Variants in AUTS2 observed in about 807,000 individuals in gnomAD.
The protein encoded by AUTS2 is activator of transcription and developmental regulator AUTS2, also known as autism susceptibility gene 2 protein.
In AUTS2, 17 loss-of-function variants were observed where a neutral mutation model predicts 112.4. That is an observed-to-expected ratio of 0.15 (90% CI 0.10 to 0.23). AUTS2 has a LOEUF of 0.23. Ranked by LOEUF, AUTS2 falls within the 10% of genes least tolerant of loss-of-function variation. AUTS2 has a pLI of 1.00. For synonymous variants in AUTS2, 751 were observed against 702.7 expected, an observed-to-expected ratio of 1.07 and a Z score of -1.09; for missense variants, 1,510 against 1,701.6, an observed-to-expected ratio of 0.89 and a Z score of 1.98.
intron 4 of AUTS2, among the ~76,000 whole-genome samples, chr7:70,304,126 C>G (rs1263373520): frequency 6.6e-6 from 1 of 152,220 alleles, no homozygotes; most frequent in Non-Finnish European, 1.5e-5. Context: ...CAAGGGAATT[C>G]CTGTGATTCA....
At chr7:70,256,305 C>T (rs747452143) in intron 4 of AUTS2, among the ~76,000 whole-genome samples, 1 of 152,160 alleles carries the variant, frequency 6.6e-6, no homozygotes, top group Non-Finnish European at 1.5e-5. Flanking sequence ...ACTAGGGCTT[C>T]TTCTTCTTCA....
chr7:70,512,984 C>A (rs1366662906), intron 5 of AUTS2, among the ~76,000 whole-genome samples: 3 of 152,166 alleles, frequency 2.0e-5, no homozygotes, highest in African/African-American at 7.2e-5. Flanking sequence ...CGCAATTTAG[C>A]TTTTGCTGGT....
chr7:70,032,156 C>T (rs1166629601), intron 2 of AUTS2, among the ~76,000 whole-genome samples: 1 of 151,932 alleles, frequency 6.6e-6, no homozygotes, highest in Non-Finnish European at 1.5e-5. Flanking sequence ...TGATCCAGGT[C>T]CTTAAAAAAA....
rs975380091 is a variant in AUTS2, at chr7:70,792,301, C to T, written c.*1305C>T. 2 of 152,428 alleles carry T rather than the reference C, an allele frequency of 1.3e-5. No individual in the cohort carries two copies. Among genetic ancestry groups the T allele is most frequent in the African/African-American group, 4.8e-5 (2 of 41,380 alleles). 9.4% of individuals were successfully genotyped at this position (152,428 alleles called of 1,614,324 possible). A position where few individuals can be genotyped will look rare whatever the true frequency, so the allele number is the denominator to read the frequency against. The stretch of plus-strand genomic sequence containing the variant: ...TGAGTTTGCATCAATCTTAATGTCT[C>T]TTCATAATACTTTTATAATACATTA... On this transcript the variant is annotated 3_prime_UTR_variant, in exon 19 of 19. Transcript: ENST00000342771.
At chr7:70,263,671 A>G (rs1787275256) in intron 4 of AUTS2, among the ~76,000 whole-genome samples, 3 of 152,240 alleles carry the variant, frequency 2.0e-5, no homozygotes, top group African/African-American at 7.2e-5. Context: ...TTAATGGAAG[A>G]TGTTTTCCAT....
chr7:70,245,644 A>G (rs1449275778), intron 4 of AUTS2, among the ~76,000 whole-genome samples: 3 of 152,042 alleles, frequency 2.0e-5, no homozygotes, highest in Non-Finnish European at 2.9e-5. Flanking sequence ...TATACCTTGT[A>G]TTGATGGACA....
At chr7:70,495,587 C>A (rs1239509057) in intron 5 of AUTS2, among the ~76,000 whole-genome samples, 1 of 151,520 alleles carries the variant, frequency 6.6e-6, no homozygotes, top group Non-Finnish European at 1.5e-5. Context: ...GCATCAATCA[C>A]ACACCCCACT....
At chr7:69,973,279 G>A (rs1797930141) in intron 2 of AUTS2, among the ~76,000 whole-genome samples, 1 of 152,050 alleles carries the variant, frequency 6.6e-6, no homozygotes, top group Admixed American at 6.6e-5. Flanking sequence ...GTTGTTTTTT[G>A]TATCCTGTAA....
At chr7:70,054,669 A>G (rs566911698) in intron 2 of AUTS2, among the ~76,000 whole-genome samples, 21 of 152,322 alleles carry the variant, frequency 1.4e-4, no homozygotes, top group African/African-American at 4.8e-4. Flanking sequence ...TACACAAAAA[A>G]ACTGCTTTGG....
intron 2 of AUTS2, among the ~76,000 whole-genome samples, chr7:69,967,135 C>T (rs1797664235): frequency 6.6e-6 from 1 of 152,178 alleles, no homozygotes; most frequent in Non-Finnish European, 1.5e-5. Flanking sequence ...GAAAGGTCAC[C>T]TCCTGATCTT....
intron 5 of AUTS2, among the ~76,000 whole-genome samples, chr7:70,512,941 A>G (rs1585238747): frequency 6.6e-6 from 1 of 152,072 alleles, no homozygotes; most frequent in East Asian, 1.9e-4. Flanking sequence ...TCTGTCAGGC[A>G]GATCCAGCAG....
chr7:70,756,165 A>C (rs1789183790), intron 6 of AUTS2, among the ~76,000 whole-genome samples: 2 of 152,196 alleles, frequency 1.3e-5, no homozygotes, highest in Non-Finnish European at 2.9e-5. Context: ...TTGAGATCAC[A>C]CTGATAATAG....
At chr7:69,759,066 C>G (rs771983406) in intron 1 of AUTS2, among the ~76,000 whole-genome samples, 10 of 152,148 alleles carry the variant, frequency 6.6e-5, no homozygotes, top group Non-Finnish European at 1.5e-4. Context: ...GACAACCCTA[C>G]CAGATGTAGG....
chr7:70,674,145 G>A (rs886330091), intron 5 of AUTS2, among the ~76,000 whole-genome samples: 5 of 152,152 alleles, frequency 3.3e-5, no homozygotes, highest in African/African-American at 9.7e-5. Context: ...GCTCTGCTCC[G>A]TGGATGTGCT....
At chr7:69,933,874 T>C (rs1278360250) in intron 2 of AUTS2, among the ~76,000 whole-genome samples, 1 of 152,190 alleles carries the variant, frequency 6.6e-6, no homozygotes, top group Non-Finnish European at 1.5e-5. Flanking sequence ...TTCTTTCCCA[T>C]GTGAATACAC....
At chr7:69,800,951 C>CA (rs1790055131) in intron 1 of AUTS2, among the ~76,000 whole-genome samples, 1 of 152,112 alleles carries the variant, frequency 6.6e-6, no homozygotes, top group Admixed American at 6.6e-5. Flanking sequence ...ACATAAATAA[C>CA]ACTTCTTTCA....
intron 1 of AUTS2, among the ~76,000 whole-genome samples, chr7:69,748,791 G>A (rs972995581): frequency 2.0e-5 from 3 of 152,162 alleles, no homozygotes; most frequent in Non-Finnish European, 4.4e-5. Flanking sequence ...ATACAGGCTT[G>A]TTTTTGGTAT....
chr7:70,257,147 T>G (rs1175682043), intron 4 of AUTS2, among the ~76,000 whole-genome samples: 1 of 152,132 alleles, frequency 6.6e-6, no homozygotes, highest in African/African-American at 2.4e-5. Context: ...TTAGTTTTTG[T>G]TTTTCTTTTA....
chr7:69,875,215 A>G (rs1475411265), intron 1 of AUTS2, among the ~76,000 whole-genome samples: 1 of 152,108 alleles, frequency 6.6e-6, no homozygotes, highest in Non-Finnish European at 1.5e-5. Context: ...TATGTATTTG[A>G]AAGTCTAGGT....
Sources: allele counts gnomAD v4.1 joint callset (sites outside exome capture counted in the v4.1 genomes callset), GRCh38; gene constraint gnomAD v4.1.1; transcripts MANE v1.5; gene names NCBI Gene and HGNC (gene_info 2026-07-23, HGNC 2026-07-21).